ADAMTS17: variants seen among roughly 807,000 people sequenced by gnomAD.
ADAMTS17 encodes ADAM metallopeptidase with thrombospondin type 1 motif 17, also known as A disintegrin and metalloproteinase with thrombospondin motifs 17.
A neutral mutation model predicts 141.5 loss-of-function variants in ADAMTS17; 113 were observed. That is an observed-to-expected ratio of 0.80 (90% CI 0.69 to 0.93). ADAMTS17 has a LOEUF of 0.93. ADAMTS17 is among the 40% of genes least tolerant of loss of function. The probability of loss-of-function intolerance (pLI) is 0.00; values close to 1 mark genes in which losing one functional copy is unlikely to be tolerated. For synonymous variants in ADAMTS17, 768 were observed against 630.6 expected, an observed-to-expected ratio of 1.22 and a Z score of -3.27; for missense variants, 1,659 against 1,517.9, an observed-to-expected ratio of 1.09 and a Z score of -1.54.
chr15:100,155,446 G>GGTCTGCTGTGTGAGAACCAC, intron 8 of ADAMTS17, 126 bp from the exon 9 acceptor site: 1 of 1,332,458 alleles, frequency 7.5e-7, no homozygotes, highest in Non-Finnish European at 1.0e-6. Flanking sequence ...CGTGAAAGTG[G>GGTCTGCTGTGTGAGAACCAC]TTCTCACACA....
At chr15:100,075,550 G>A (rs564623825) in intron 15 of ADAMTS17, among the ~76,000 whole-genome samples, 11 of 152,258 alleles carry the variant, frequency 7.2e-5, no homozygotes, top group African/African-American at 2.6e-4. Flanking sequence ...GCTGGTTACT[G>A]CCCTATTATT....
At chr15:100,193,521 GCAA>G (rs1420623567) in intron 8 of ADAMTS17, among the ~76,000 whole-genome samples, 3 of 152,308 alleles carry the variant, frequency 2.0e-5, no homozygotes, top group Non-Finnish European at 2.9e-5. Context: ...GCCAGAAAGA[GCAA>G]CAACGAGACA....
At chr15:100,089,441 A>G (rs2035311238) in intron 15 of ADAMTS17, among the ~76,000 whole-genome samples, 1 of 150,406 alleles carries the variant, frequency 6.6e-6, no homozygotes, top group Non-Finnish European at 1.5e-5. Flanking sequence ...TCAGGGATCT[A>G]GAACTAGAAA....
At chr15:100,028,719 C>T (rs2029871686) in intron 18 of ADAMTS17, among the ~76,000 whole-genome samples, 1 of 152,232 alleles carries the variant, frequency 6.6e-6, no homozygotes, top group Non-Finnish European at 1.5e-5. Flanking sequence ...AGATGGGAAC[C>T]TGGCTGCTGG....
chr15:100,034,738 A>G (rs2030536125), intron 18 of ADAMTS17, among the ~76,000 whole-genome samples: 1 of 152,174 alleles, frequency 6.6e-6, no homozygotes. Context: ...GGCTTCAGAT[A>G]TCTCCATCCT....
intron 14 of ADAMTS17, among the ~76,000 whole-genome samples, chr15:100,106,809 T>A (rs2036439855): frequency 6.6e-6 from 1 of 152,224 alleles, no homozygotes; most frequent in South Asian, 2.1e-4. Context: ...GTTAGAAGTT[T>A]ACCAAGAACC....
intron 13 of ADAMTS17, 120 bp downstream of exon 13, chr15:100,116,727 A>G: frequency 7.3e-7 from 1 of 1,367,646 alleles, no homozygotes; most frequent in Non-Finnish European, 1.0e-6. Flanking sequence ...TGGGCAGAGG[A>G]CTGGAGTGTC....
intron 7 of ADAMTS17, among the ~76,000 whole-genome samples, chr15:100,231,329 C>T (rs141221346): frequency 2.1e-3 from 313 of 152,274 alleles, no homozygotes; most frequent in African/African-American, 7.2e-3. Context: ...TGGCAATGAC[C>T]CCTATGTCTA....
At chr15:100,274,339 T>A (rs935348085) in intron 4 of ADAMTS17, among the ~76,000 whole-genome samples, 2 of 152,372 alleles carry the variant, frequency 1.3e-5, no homozygotes, top group African/African-American at 4.8e-5. Flanking sequence ...TTCATATATT[T>A]TGATGATCTG....
chr15:100,073,079 AG>A (rs202092520), intron 15 of ADAMTS17, among the ~76,000 whole-genome samples: 1,875 of 152,256 alleles, frequency 0.012, 17 homozygotes, highest in Non-Finnish European at 0.02. Flanking sequence ...AAAAACAAAC[AG>A]CCCCATCAAA....
intron 7 of ADAMTS17, among the ~76,000 whole-genome samples, chr15:100,207,294 T>A (rs1006774163): frequency 6.6e-6 from 1 of 152,138 alleles, no homozygotes; most frequent in African/African-American, 2.4e-5. Flanking sequence ...GGAAAGAGAT[T>A]CCTTATCCCA....
At chr15:100,128,178 T>G (rs1444564403) in intron 12 of ADAMTS17, 1 of 152,204 alleles carries the variant, frequency 6.6e-6, no homozygotes, top group Non-Finnish European at 1.5e-5. Context: ...GGGTCCTGTT[T>G]GAAGTGTCTG....
At chr15:100,067,336 G>A (rs935216769) in intron 15 of ADAMTS17, among the ~76,000 whole-genome samples, 6 of 151,922 alleles carry the variant, frequency 3.9e-5, no homozygotes, top group Admixed American at 2.6e-4. Context: ...TATTGAGAAG[G>A]CAGCCATCAT....
intron 7 of ADAMTS17, among the ~76,000 whole-genome samples, chr15:100,208,442 G>C (rs1407799157): frequency 1.3e-5 from 2 of 152,138 alleles, no homozygotes; most frequent in African/African-American, 4.8e-5. Context: ...CCACCTGCAG[G>C]GCTGATAGAC....
At chr15:100,326,321 T>C (rs1226868631) in intron 3 of ADAMTS17, among the ~76,000 whole-genome samples, 2 of 152,190 alleles carry the variant, frequency 1.3e-5, no homozygotes, top group African/African-American at 4.8e-5. Flanking sequence ...ACTACCACTT[T>C]TACAGCAAAG....
At chr15:100,290,124 T>C (rs1339717742) in intron 3 of ADAMTS17, among the ~76,000 whole-genome samples, 7 of 152,090 alleles carry the variant, frequency 4.6e-5, no homozygotes, top group East Asian at 1.9e-4. Context: ...CCATAATCTC[T>C]ACCCCCAAAA....
chr15:100,273,815 T>C (rs949452906), intron 4 of ADAMTS17, among the ~76,000 whole-genome samples: 1 of 152,210 alleles, frequency 6.6e-6, no homozygotes, highest in African/African-American at 2.4e-5. Context: ...TTTACCGCTA[T>C]ACATGCTATA....
intron 15 of ADAMTS17, among the ~76,000 whole-genome samples, chr15:100,076,288 C>T (rs574154448): frequency 6.6e-6 from 1 of 152,270 alleles, no homozygotes; most frequent in East Asian, 1.9e-4. Flanking sequence ...GGTGATCCAC[C>T]TGCCCCGGCC....
chr15:100,292,442 C>CACTCACCCCGTGTGAAATTATGAGAGAT (rs1425874922), intron 3 of ADAMTS17, among the ~76,000 whole-genome samples: 1 of 150,046 alleles, frequency 6.7e-6, no homozygotes, highest in Non-Finnish European at 1.5e-5. Context: ...GTGTTAGAGA[C>CACTCACCCCGTGTGAAATTATGAGAGAT]ACTCACCCCG....
Sources: allele counts gnomAD v4.1 joint callset (sites outside exome capture counted in the v4.1 genomes callset), GRCh38; gene constraint gnomAD v4.1.1; transcripts MANE v1.5; gene names NCBI Gene and HGNC (gene_info 2026-07-23, HGNC 2026-07-21).